PRELID2: variants seen among roughly 807,000 people sequenced by gnomAD.
PRELID2 encodes PRELI domain-containing protein 2.
Under a neutral mutation model 28.4 loss-of-function variants are expected in PRELID2, and 25 were observed. The observed-to-expected ratio is 0.88, with a 90% CI of 0.64 to 1.23. PRELID2 has a LOEUF of 1.23. PRELID2 is among the 50% of genes most tolerant of loss of function. The probability of loss-of-function intolerance (pLI) is 0.00; values close to 1 mark genes in which losing one functional copy is unlikely to be tolerated. For missense variants in PRELID2, 201 were observed against 214.4 expected, an observed-to-expected ratio of 0.94 and a Z score of 0.39; for synonymous variants, 76 against 71.6, an observed-to-expected ratio of 1.06 and a Z score of -0.31.
chr5:145,537,979 T>G (rs1221607566), intron 1 of PRELID2, among the ~76,000 whole-genome samples: 2 of 151,972 alleles, frequency 1.3e-5, no homozygotes, highest in African/African-American at 4.8e-5. Context: ...CAGTTTTACA[T>G]GTAAGTTTTT....
At position 145,724,723 on chromosome 5, in the gene PRELID2, AAT is replaced by A. The variant is rs1488222400; in HGVS notation, n.70+40206_70+40207del. ...GTATGTGTATACATATTACATATAT[AAT>A]ATATATAATATAAAATATTATATAT... is the stretch of plus-strand genomic sequence containing the variant. On this transcript the variant is annotated intron_variant and non_coding_transcript_variant, in intron 1 of 2. Transcript: ENST00000510259. Among the ~76,000 whole-genome samples the A allele has an allele frequency of 2.9e-5, 4 of 137,100 alleles. No individual in the cohort carries two copies. The East Asian group carries it at 6.2e-4, about 21-fold the overall frequency. 89.9% of individuals were successfully genotyped at this position (137,100 alleles called of 152,430 possible).
At chr5:145,587,985 TG>T (rs1197476060) in intron 1 of PRELID2, among the ~76,000 whole-genome samples, 1 of 152,122 alleles carries the variant, frequency 6.6e-6, no homozygotes, top group Non-Finnish European at 1.5e-5. Context: ...ATTTCTTAAT[TG>T]ATCATTTTTG....
At chr5:145,820,899 G>A (rs374000958) in intron 2 of PRELID2, among the ~76,000 whole-genome samples, 5 of 152,134 alleles carry the variant, frequency 3.3e-5, no homozygotes, top group Non-Finnish European at 5.9e-5. Context: ...ACAGCCAAGC[G>A]GGCAACCTGA....
At chr5:145,594,540 G>A (rs1213553923) in intron 1 of PRELID2, among the ~76,000 whole-genome samples, 1 of 152,060 alleles carries the variant, frequency 6.6e-6, no homozygotes, top group Non-Finnish European at 1.5e-5. Flanking sequence ...CATGTTCATT[G>A]ATGTATGCAT....
chr5:145,515,440 C>A (rs928382469), intron 1 of PRELID2, among the ~76,000 whole-genome samples: 12 of 151,986 alleles, frequency 7.9e-5, no homozygotes, highest in African/African-American at 2.9e-4. Context: ...AAGACTAAAC[C>A]AGGAAAAAGT....
the PRELID2 span, among the ~76,000 whole-genome samples, chr5:145,325,505 C>A: frequency 0.22 from 33,923 of 152,024 alleles, 4,113 homozygotes; most frequent in South Asian, 0.34. Context: ...GTGTTCAGTG[C>A]CTTAGAGTTT....
the PRELID2 span, among the ~76,000 whole-genome samples, chr5:145,351,810 A>ACC: frequency 6.6e-6 from 1 of 152,274 alleles, no homozygotes; most frequent in East Asian, 1.9e-4. Context: ...GGGTAAGTAT[A>ACC]CCCATTCCAA....
the PRELID2 span, among the ~76,000 whole-genome samples, chr5:145,412,742 G>A: frequency 6.6e-6 from 1 of 152,158 alleles, no homozygotes; most frequent in African/African-American, 2.4e-5. Flanking sequence ...TCCTCAAACT[G>A]CTATGAAGAA....
intron 1 of PRELID2, among the ~76,000 whole-genome samples, chr5:145,737,897 G>T (rs1460688679): frequency 6.6e-6 from 1 of 152,174 alleles, no homozygotes; most frequent in Admixed American, 6.5e-5. Context: ...GAGGAGCCTG[G>T]ACTTACACCC....
At chr5:145,520,837 C>T (rs1752557749) in intron 1 of PRELID2, among the ~76,000 whole-genome samples, 1 of 152,000 alleles carries the variant, frequency 6.6e-6, no homozygotes, top group Non-Finnish European at 1.5e-5. Context: ...GAACATAGTA[C>T]TCAATATATG....
the PRELID2 span, among the ~76,000 whole-genome samples, chr5:145,416,374 A>G: frequency 6.6e-6 from 1 of 152,074 alleles, no homozygotes; most frequent in Non-Finnish European, 1.5e-5. Flanking sequence ...CTTCATGTCT[A>G]AAACACCAAA....
intron 1 of PRELID2, among the ~76,000 whole-genome samples, chr5:145,593,935 A>G (rs1459114643): frequency 6.6e-6 from 1 of 152,200 alleles, no homozygotes; most frequent in Non-Finnish European, 1.5e-5. Flanking sequence ...GATATTAAGA[A>G]ATTACTGTTA....
chr5:145,276,002 G>T, the PRELID2 span, among the ~76,000 whole-genome samples: 1 of 152,162 alleles, frequency 6.6e-6, no homozygotes, highest in African/African-American at 2.4e-5. Flanking sequence ...GTAGCATTCA[G>T]GACATGACAA....
chr5:145,481,917 G>T (rs916192925), intron 1 of PRELID2, among the ~76,000 whole-genome samples: 3 of 152,110 alleles, frequency 2.0e-5, no homozygotes, highest in African/African-American at 4.8e-5. Context: ...GTTACAGTTG[G>T]TATTAGTTTG....
the PRELID2 span, chr5:145,451,174 G>A: frequency 6.6e-6 from 1 of 152,204 alleles, no homozygotes; most frequent in African/African-American, 2.4e-5. Context: ...CATGCCATCT[G>A]GCTGAGCTTC....
the PRELID2 span, among the ~76,000 whole-genome samples, chr5:145,276,998 C>G: frequency 6.6e-6 from 1 of 152,068 alleles, no homozygotes; most frequent in East Asian, 1.9e-4. Context: ...CTCCTAGATT[C>G]AAAAGCTGCA....
chr5:145,818,183 A>C, intron 3 of PRELID2, 129 bp from the exon 4 acceptor site: 2 of 916,836 alleles, frequency 2.2e-6, no homozygotes, highest in Non-Finnish European at 3.2e-6. Flanking sequence ...ATGATGGCTC[A>C]CCAGTGGCTG....
chr5:145,832,221 T>C (rs1755638536), intron 1 of PRELID2, among the ~76,000 whole-genome samples: 1 of 152,224 alleles, frequency 6.6e-6, no homozygotes, highest in Non-Finnish European at 1.5e-5. Context: ...AGTCTTGCTC[T>C]GTCACCCAGG....
At chr5:145,429,065 T>C in the PRELID2 span, among the ~76,000 whole-genome samples, 1 of 152,176 alleles carries the variant, frequency 6.6e-6, no homozygotes, top group African/African-American at 2.4e-5. Flanking sequence ...TGGGAGCCCT[T>C]AAGCAGAGGG....
Sources: gnomAD v4.1 joint callset for allele counts (sites outside exome capture counted in the v4.1 genomes callset) on GRCh38, gnomAD v4.1.1 for gene constraint, MANE v1.5 for transcripts, NCBI Gene and HGNC (gene_info 2026-07-23, HGNC 2026-07-21) for gene names.